TPO: variants seen among roughly 807,000 people sequenced by gnomAD.
TPO encodes the protein thyroid microsomal antigen.
Under a neutral mutation model 96.9 loss-of-function variants are expected in TPO, and 78 were observed. The ratio of observed to expected loss-of-function variants is 0.81; its 90% CI spans 0.67 to 0.97. The LOEUF is 0.97. Among genes scored for constraint, TPO ranks in the 50% least tolerant of loss-of-function variants. The probability of loss-of-function intolerance (pLI) is 0.00; values close to 1 mark genes in which losing one functional copy is unlikely to be tolerated. For missense variants in TPO, 1,252 were observed against 1,274.8 expected (o/e 0.98, Z 0.27); for synonymous variants, 547 against 538.0 (o/e 1.02, Z -0.23).
chr2:1,405,076 T>G (rs1035143101), intron 1 of TPO, among the ~76,000 whole-genome samples: 1 of 87,792 alleles, frequency 1.1e-5, no homozygotes, highest in Admixed American at 1.8e-4. Context: ...AGACATCGAG[T>G]CATCCATCGG....
chr2:1,457,668 T>A (rs1667961106), intron 7 of TPO, among the ~76,000 whole-genome samples: 1 of 151,910 alleles, frequency 6.6e-6, no homozygotes, highest in South Asian at 2.1e-4. Flanking sequence ...CATGCATATA[T>A]AGCATATATG....
intron 1 of TPO, among the ~76,000 whole-genome samples, chr2:1,398,046 G>A (rs1662111189): frequency 6.6e-6 from 1 of 152,168 alleles, no homozygotes; most frequent in African/African-American, 2.4e-5. Flanking sequence ...TTCATCTCTT[G>A]GTTAAGCTCC....
chr2:1,487,754 TGA>T (rs1671310394), intron 9 of TPO, 65 bp from the exon 10 acceptor site: 1 of 1,576,262 alleles, frequency 6.3e-7, no homozygotes, highest in African/African-American at 1.4e-5. Flanking sequence ...AAAAAAAAAT[TGA>T]GATATTGTTG....
At chr2:1,439,113 A>G in intron 5 of TPO, 1 of 424,372 alleles carries the variant, frequency 2.4e-6, no homozygotes, top group Non-Finnish European at 4.2e-6. Context: ...AGCCGGCAGC[A>G]GTGAGTTCCT....
intron 16 of TPO, chr2:1,541,302 CG>C: frequency 1.8e-6 from 1 of 549,168 alleles, no homozygotes. Context: ...GTCTGCTGCA[CG>C]GCATGGGGCG....
At chr2:1,514,824 T>A (rs1674515647) in intron 14 of TPO, among the ~76,000 whole-genome samples, 1 of 152,216 alleles carries the variant, frequency 6.6e-6, no homozygotes, top group South Asian at 2.1e-4. Flanking sequence ...GCATCTGGCC[T>A]TCCCCCTGCC....
At chr2:1,441,370 C>A (rs1386317957) in intron 5 of TPO, among the ~76,000 whole-genome samples, 3 of 152,214 alleles carry the variant, frequency 2.0e-5, no homozygotes, top group Non-Finnish European at 4.4e-5. Flanking sequence ...ATTATCAGTT[C>A]TCTGCATAAG....
chr2:1,438,351 G>A (rs537578716), intron 5 of TPO, among the ~76,000 whole-genome samples: 15 of 152,116 alleles, frequency 9.9e-5, no homozygotes, highest in African/African-American at 2.4e-4. Context: ...CACCTCTAGC[G>A]TGTCTTAAAC....
chr2:1,415,597 A>G lies in TPO; in HGVS notation c.94+1095A>G, dbSNP rs112833665. 2.7e-3 allele frequency among the ~76,000 whole-genome samples: 370 copies of G among 137,384 alleles called. 6 individuals are homozygous for G. The highest frequency in any genetic ancestry group is 0.01 in the African/African-American group (352 of 34,270). 90.1% of individuals were successfully genotyped at this position (137,384 alleles called of 152,430 possible). On this transcript the variant is annotated intron_variant, in intron 2 of 16. Coordinates refer to ENST00000329066, the MANE Select transcript of TPO (RefSeq NM_001206744.2). ...AGTCTTGGGGCCCCTGGAGCAGGTG[A>G]CACCTCACTGGGCAGGTCCCTGGGC...
chr2:1,387,653 C>G (rs1661923659), intron 1 of TPO, among the ~76,000 whole-genome samples: 2 of 152,160 alleles, frequency 1.3e-5, no homozygotes, highest in South Asian at 2.1e-4. Context: ...GCGATGGGCT[C>G]GAACTTCCTC....
chr2:1,378,321 C>T (rs1661754293), intron 1 of TPO, among the ~76,000 whole-genome samples: 1 of 152,232 alleles, frequency 6.6e-6, no homozygotes, highest in Non-Finnish European at 1.5e-5. Context: ...CTGGTTCCCT[C>T]TCCAGTTTCT....
upstream of TPO, among the ~76,000 whole-genome samples, chr2:1,413,074 G>T (rs1662523547): frequency 6.6e-6 from 1 of 152,172 alleles, no homozygotes; most frequent in African/African-American, 2.4e-5. Flanking sequence ...GAGTTGTAGA[G>T]CGAGTCATCG....
chr2:1,476,015 G>T (rs576642794), intron 7 of TPO, among the ~76,000 whole-genome samples: 1 of 152,300 alleles, frequency 6.6e-6, no homozygotes, highest in East Asian at 1.9e-4. Context: ...GCACCGCACG[G>T]CACCGAGCGG....
intron 1 of TPO, among the ~76,000 whole-genome samples, chr2:1,388,023 T>A (rs886803346): frequency 1.6e-4 from 24 of 152,120 alleles, no homozygotes; most frequent in African/African-American, 5.8e-4. Context: ...TGCAGAACAG[T>A]GAATATTGCT....
At chr2:1,465,788 G>C (rs1045956395) in intron 7 of TPO, among the ~76,000 whole-genome samples, 21 of 152,256 alleles carry the variant, frequency 1.4e-4, no homozygotes, top group African/African-American at 4.8e-4. Flanking sequence ...AGTTCTAGGA[G>C]CTTTCTGGAG....
At chr2:1,378,914 C>T (rs776876817) in intron 1 of TPO, among the ~76,000 whole-genome samples, 7 of 152,184 alleles carry the variant, frequency 4.6e-5, no homozygotes, top group South Asian at 2.1e-4. Flanking sequence ...CTCTCAAAGG[C>T]GGCTCACTGA....
chr2:1,414,910 G>A (rs1042259990), intron 2 of TPO, among the ~76,000 whole-genome samples: 1 of 152,234 alleles, frequency 6.6e-6, no homozygotes, highest in Non-Finnish European at 1.5e-5. Context: ...AATAATCACA[G>A]ATCAAGCTCT....
At chr2:1,404,209 T>C (rs1662214965) in intron 1 of TPO, among the ~76,000 whole-genome samples, 1 of 152,078 alleles carries the variant, frequency 6.6e-6, no homozygotes, top group Admixed American at 6.5e-5. Context: ...TGCCAGGTGT[T>C]CTCCTTAGAT....
intron 13 of TPO, among the ~76,000 whole-genome samples, chr2:1,500,575 G>A (rs564244493): frequency 2.0e-5 from 3 of 152,226 alleles, no homozygotes; most frequent in African/African-American, 7.2e-5. Context: ...GGAAGGCTAC[G>A]GGCTTAACTG....
Sources: allele counts gnomAD v4.1 joint callset (sites outside exome capture counted in the v4.1 genomes callset), GRCh38; gene constraint gnomAD v4.1.1; transcripts MANE v1.5; gene names NCBI Gene and HGNC (gene_info 2026-07-23, HGNC 2026-07-21).